Variants in DNAJC24 observed in about 807,000 individuals in gnomAD.
DNAJC24 encodes the protein dnaJ homolog subfamily C member 24.
DNAJC24 carries 17 observed loss-of-function variants against 18.0 expected under a neutral mutation model. The observed-to-expected ratio is 0.94, with a 90% confidence interval of 0.65 to 1.42. DNAJC24 has a LOEUF of 1.42. Ranked by LOEUF, DNAJC24 falls within the 40% of genes most tolerant of loss-of-function variation. The pLI is 0.00. For synonymous variants in DNAJC24, 55 were observed against 57.7 expected, an observed-to-expected ratio of 0.95 and a Z score of 0.21; for missense variants, 158 against 175.6, an observed-to-expected ratio of 0.90 and a Z score of 0.57.
chr11:31,419,737 C>T (rs1247822511), intron 3 of DNAJC24, among the ~76,000 whole-genome samples: 1 of 151,912 alleles, frequency 6.6e-6, no homozygotes, highest in Non-Finnish European at 1.5e-5. Context: ...CAAGACTGAC[C>T]GAGTCAGCTT....
At chr11:31,370,910 T>C (rs750578945) in intron 2 of DNAJC24, 51 bp downstream of exon 2, 1 of 1,222,256 alleles carries the variant, frequency 8.2e-7, no homozygotes, top group South Asian at 1.4e-5. Context: ...AAATCAATTT[T>C]TATATGAAAC....
intron 4 of DNAJC24, among the ~76,000 whole-genome samples, chr11:31,428,634 G>A (rs563926384): frequency 1.4e-4 from 22 of 152,134 alleles, no homozygotes; most frequent in African/African-American, 5.3e-4. Context: ...TCAAAGGGCA[G>A]TATGAAATGA....
intron 2 of DNAJC24, among the ~76,000 whole-genome samples, chr11:31,403,009 T>C (rs147316614): frequency 2.6e-5 from 4 of 152,200 alleles, no homozygotes; most frequent in African/African-American, 9.7e-5. Flanking sequence ...CACATGACGG[T>C]ATTCTCTTTT....
intron 3 of DNAJC24, among the ~76,000 whole-genome samples, chr11:31,425,822 G>C (rs1397948213): frequency 6.6e-6 from 1 of 152,156 alleles, no homozygotes; most frequent in Non-Finnish European, 1.5e-5. Context: ...TGCTGTTTTA[G>C]AGATGAACAA....
chr11:31,410,274 T>C (rs1456512276), intron 2 of DNAJC24, among the ~76,000 whole-genome samples: 1 of 152,218 alleles, frequency 6.6e-6, no homozygotes, highest in Non-Finnish European at 1.5e-5. Flanking sequence ...TAATAAAAAG[T>C]TTATTTCCTA....
intron 2 of DNAJC24, 55 bp downstream of exon 2, chr11:31,370,914 A>G (rs147584237): frequency 3.6e-6 from 4 of 1,126,694 alleles, no homozygotes; most frequent in Admixed American, 4.7e-5. Flanking sequence ...CAATTTTTAT[A>G]TGAAACCACA....
chr11:31,426,411 GAAAA>G, intron 4 of DNAJC24, 56 bp downstream of exon 4: 1 of 984,138 alleles, frequency 1.0e-6, no homozygotes. Context: ...TTTTCTATAA[GAAAA>G]AAAAACTCAT....
At chr11:31,409,206 A>G (rs888444261) in intron 2 of DNAJC24, among the ~76,000 whole-genome samples, 7 of 152,136 alleles carry the variant, frequency 4.6e-5, no homozygotes, top group African/African-American at 7.2e-5. Flanking sequence ...GCTTAGAAAG[A>G]TTTGCTAAAT....
intron 3 of DNAJC24, chr11:31,416,722 A>G (rs1359746185): frequency 6.6e-6 from 1 of 152,180 alleles, no homozygotes; most frequent in Non-Finnish European, 1.5e-5. Context: ...TTTCTCAAGA[A>G]GCTACAGGGT....
At chr11:31,406,623 G>T (rs1345511892) in intron 2 of DNAJC24, among the ~76,000 whole-genome samples, 1 of 152,148 alleles carries the variant, frequency 6.6e-6, no homozygotes, top group Non-Finnish European at 1.5e-5. Flanking sequence ...CTATGCATTA[G>T]TTGGCCCTTT....
At chr11:31,398,483 A>G (rs1952565882) in intron 2 of DNAJC24, among the ~76,000 whole-genome samples, 1 of 152,234 alleles carries the variant, frequency 6.6e-6, no homozygotes, top group Admixed American at 6.5e-5. Flanking sequence ...TTTAAAGAAT[A>G]TTTGTACATT....
At chr11:31,383,772 C>T (rs1952401475) in intron 2 of DNAJC24, among the ~76,000 whole-genome samples, 3 of 152,242 alleles carry the variant, frequency 2.0e-5, no homozygotes, top group Non-Finnish European at 4.4e-5. Context: ...GTGTGGGAAC[C>T]ACACCTGATG....
At chr11:31,407,702 A>ATATATAT (rs1406244844) in intron 2 of DNAJC24, among the ~76,000 whole-genome samples, 44 of 109,164 alleles carry the variant, frequency 4.0e-4, no homozygotes, top group Non-Finnish European at 4.0e-4. Context: ...AAAAAAAAAA[A>ATATATAT]AAAAATATAT....
At chr11:31,385,913 G>T (rs963251574) in intron 2 of DNAJC24, among the ~76,000 whole-genome samples, 1 of 152,122 alleles carries the variant, frequency 6.6e-6, no homozygotes, top group Non-Finnish European at 1.5e-5. Context: ...GTGGCCACAT[G>T]GCGTGGAAAG....
At chr11:31,408,071 G>A (rs1174640515) in intron 2 of DNAJC24, 1 of 455,292 alleles carries the variant, frequency 2.2e-6, no homozygotes, top group South Asian at 1.6e-5. Flanking sequence ...AAAAAATTCC[G>A]ACTTGAAACA....
chr11:31,411,497 C>T (rs903273156), intron 2 of DNAJC24, among the ~76,000 whole-genome samples: 8 of 152,124 alleles, frequency 5.3e-5, no homozygotes, highest in South Asian at 2.1e-4. Flanking sequence ...GTGTTGGCAG[C>T]GCTGCACTCC....
intron 2 of DNAJC24, among the ~76,000 whole-genome samples, chr11:31,399,562 CG>C (rs1457234427): frequency 6.6e-6 from 1 of 151,638 alleles, no homozygotes; most frequent in East Asian, 1.9e-4. Context: ...TACAGGCGCA[CG>C]CCATCACGCC....
chr11:31,398,924 C>A (rs1462894896), intron 2 of DNAJC24, among the ~76,000 whole-genome samples: 1 of 152,106 alleles, frequency 6.6e-6, no homozygotes, highest in Non-Finnish European at 1.5e-5. Context: ...ACATCTTTTC[C>A]CTGAACCCAG....
chr11:31,390,602 A>G (rs1952484716), intron 2 of DNAJC24, among the ~76,000 whole-genome samples: 3 of 137,978 alleles, frequency 2.2e-5, no homozygotes, highest in African/African-American at 5.5e-5. Context: ...GCTACATGGG[A>G]GGCTGAGGCA....
Sources: gnomAD v4.1 joint callset for allele counts (sites outside exome capture counted in the v4.1 genomes callset) on GRCh38, gnomAD v4.1.1 for gene constraint, MANE v1.5 for transcripts, NCBI Gene and HGNC (gene_info 2026-07-23, HGNC 2026-07-21) for gene names.